HNRNPK: variants seen among roughly 807,000 people sequenced by gnomAD.
The protein encoded by HNRNPK is dC-stretch binding protein.
A neutral mutation model predicts 67.0 loss-of-function variants in HNRNPK; 7 were observed. That is an observed-to-expected ratio of 0.10 (90% CI 0.06 to 0.20). The LOEUF (loss-of-function observed/expected upper bound fraction) is 0.20, where lower values mean the gene tolerates loss of function less well. HNRNPK is among the 10% of genes least tolerant of loss of function. The probability of loss-of-function intolerance (pLI) is 1.00; values close to 1 mark genes in which losing one functional copy is unlikely to be tolerated. For synonymous variants in HNRNPK, 213 were observed against 193.7 expected (o/e 1.10, Z -0.83); for missense variants, 264 against 606.5 (o/e 0.44, Z 5.93).
intron 1 of HNRNPK, among the ~76,000 whole-genome samples, chr9:83,979,480 G>T (rs902544153): frequency 1.3e-5 from 2 of 152,244 alleles, no homozygotes; most frequent in Non-Finnish European, 2.9e-5. Context: ...AATCCGCTAA[G>T]TATGTGCTCC....
chr9:83,975,403 A>G (rs1228477951), intron 6 of HNRNPK, 59 bp downstream of exon 6: 1 of 1,446,604 alleles, frequency 6.9e-7, no homozygotes, highest in Non-Finnish European at 9.7e-7. Context: ...AAAGGCAGGT[A>G]ATAAAATACA....
intron 6 of HNRNPK, 85 bp from the exon 7 acceptor site, chr9:83,974,674 T>G (rs1956997519): frequency 4.7e-6 from 4 of 843,864 alleles, no homozygotes; most frequent in Middle Eastern, 2.2e-4. Context: ...TCATACAAAC[T>G]TTCACAGAGA....
chr9:83,977,121 A>C, intron 4 of HNRNPK, 70 bp from the exon 5 acceptor site: 1 of 1,114,124 alleles, frequency 9.0e-7, no homozygotes, highest in Non-Finnish European at 1.4e-6. Context: ...ACGCTCTTAG[A>C]TTTTGCTAAA....
Position 83,968,158 on chromosome 9 carries a change from A to C in HNRNPK, c.*1249T>G, listed in dbSNP as rs535002918. On this transcript the variant is annotated 3_prime_UTR_variant, in exon 17 of 17. Transcript: ENST00000376263. ...ACAGGTGTCAATCAACCCTTGTTCAAATCGGGCACACATCAAATCTAGCAT... is the reference window on the plus strand; with the variant it reads ...ACAGGTGTCAATCAACCCTTGTTCACATCGGGCACACATCAAATCTAGCAT... 1 of 152,724 alleles carries C rather than the reference A, an allele frequency of 6.5e-6. No individual in the cohort carries two copies. The highest frequency in any genetic ancestry group is 2.1e-4 in the South Asian group (1 of 4,832). The allele number at this position is 152,724 out of a possible 1,614,324, so 9.5% of individuals were successfully genotyped here. A position where few individuals can be genotyped will look rare whatever the true frequency, so the allele number is the denominator to read the frequency against.
chr9:83,977,154 T>C lies in HNRNPK; in HGVS notation c.157-103A>G, dbSNP rs1001618946. On this transcript the variant is annotated intron_variant, in intron 4 of 16. Transcript: ENST00000376263. ...AAAAAATCCTCTAACCTGTTTGTTATAAGAATAAAAATCTATTTGGGGTTG... is the reference window on the plus strand; with the variant it reads ...AAAAAATCCTCTAACCTGTTTGTTACAAGAATAAAAATCTATTTGGGGTTG... The C allele has an allele frequency of 5.0e-6, 4 of 798,758 alleles. No homozygotes were observed. In the African/African-American group the frequency reaches 5.2e-5, roughly 10 times the overall value. 49.5% of individuals were successfully genotyped at this position (798,758 alleles called of 1,614,324 possible).
At position 83,969,391 on chromosome 9, in the gene HNRNPK, GA is replaced by G. The variant is rs750510015; in HGVS notation, c.*15del. The G allele has an allele frequency of 1.9e-6, 3 of 1,545,604 alleles. No individual in the cohort carries two copies. The highest frequency in any genetic ancestry group is 1.4e-5 in the African/African-American group (1 of 73,062). On this transcript the variant is annotated 3_prime_UTR_variant, in exon 17 of 17. Coordinates refer to ENST00000376263, the MANE Select transcript of HNRNPK (RefSeq NM_031263.4). ...GAATACTGCTTCACACTATAAAAAA[GA>G]AAAAATATCTTGCATTAGAATCCTT...
rs555338227 is a variant in HNRNPK, at chr9:83,971,365, G to A, written c.1009-9C>T. On this transcript the variant is annotated splice_polypyrimidine_tract_variant and intron_variant, in intron 12 of 16. Coordinates refer to ENST00000376263, the MANE Select transcript of HNRNPK (RefSeq NM_031263.4). Reference sequence around the variant, plus strand: ...TCAGCACTGAAACCAACCTGTTAGAGATAAAAACATTAACATGAACCCGCA... The same window carrying A: ...TCAGCACTGAAACCAACCTGTTAGAAATAAAAACATTAACATGAACCCGCA... 2.9e-5 allele frequency: 45 copies of A among 1,572,878 alleles called. No individual in the cohort carries two copies. The African/African-American group carries it at 5.4e-4, about 19-fold the overall frequency.
At chr9:83,970,012 A>T (rs1186395713) in intron 16 of HNRNPK, 150 bp downstream of exon 16, 3 of 672,574 alleles carry the variant, frequency 4.5e-6, no homozygotes, top group Admixed American at 5.4e-5. Context: ...AGCAGAAGAA[A>T]AATTAAGGCA....
At chr9:83,978,997 T>C (rs2133071735) in intron 1 of HNRNPK, among the ~76,000 whole-genome samples, 1 of 152,322 alleles carries the variant, frequency 6.6e-6, no homozygotes, top group Non-Finnish European at 1.5e-5. Flanking sequence ...AATACCAGTC[T>C]ATTATTAATC....
intron 1 of HNRNPK, 41 bp from the exon 2 acceptor site, chr9:83,978,493 CT>C: frequency 1.7e-6 from 1 of 582,666 alleles, no homozygotes; most frequent in Non-Finnish European, 2.5e-6. Context: ...TTTGTTTATT[CT>C]TATTACTGAA....
rs1957321272 is a variant in HNRNPK, at chr9:83,980,140, C to T, written c.-108+13G>A. 2 of 152,634 alleles carry T rather than the reference C, an allele frequency of 1.3e-5. No homozygotes were observed. The highest frequency in any genetic ancestry group is 1.9e-4 in the East Asian group (1 of 5,192). The allele number at this position is 152,634 out of a possible 1,614,324, so 9.5% of individuals were successfully genotyped here. The stretch of plus-strand genomic sequence containing the variant: ...TCACCTCCACGAGCCGCTCCCCCAA[C>T]CCGGCTCCTCACCGCGCGAGACTGC... On this transcript the variant is annotated intron_variant, in intron 1 of 16. Coordinates refer to ENST00000376263, the MANE Select transcript of HNRNPK (RefSeq NM_031263.4).
Position 83,971,253 on chromosome 9 carries a change from GAAC to G in HNRNPK, c.1092+17_1092+19del, listed in dbSNP as rs753007739. 6.0e-6 allele frequency: 9 copies of G among 1,501,996 alleles called. No homozygotes were observed. In the South Asian group the frequency reaches 1.0e-4, roughly 17 times the overall value. The allele number at this position is 1,501,996 out of a possible 1,614,324, so 93.0% of individuals were successfully genotyped here. On this transcript the variant is annotated intron_variant, in intron 13 of 16. Transcript: ENST00000376263. ...CTTAAATTATCACTGATATACACAC[GAAC>G]AACTATGATACTCAACCTGTGGTTC...
chr9:83,974,985 A>G (rs1028797924), intron 6 of HNRNPK, among the ~76,000 whole-genome samples: 1 of 152,248 alleles, frequency 6.6e-6, no homozygotes, highest in Non-Finnish European at 1.5e-5. Context: ...AGTGGTGAAC[A>G]TTGTATCTGG....
chr9:83,974,865 A>T (rs963630001), intron 6 of HNRNPK, among the ~76,000 whole-genome samples: 1 of 152,226 alleles, frequency 6.6e-6, no homozygotes, highest in African/African-American at 2.4e-5. Flanking sequence ...ACCAGAACTG[A>T]AGCAGAGTTG....
At chr9:83,976,973 A>T (rs1957096787) in intron 5 of HNRNPK, 22 bp downstream of exon 5, 1 of 1,446,282 alleles carries the variant, frequency 6.9e-7, no homozygotes, top group South Asian at 1.2e-5. Flanking sequence ...CTCGTGTAGT[A>T]GTTTAAACTC....
chr9:83,973,859 C>A, intron 8 of HNRNPK, 43 bp downstream of exon 8: 2 of 1,408,516 alleles, frequency 1.4e-6, no homozygotes, highest in South Asian at 1.2e-5. Context: ...TCCTATGGGC[C>A]AGGCTCCATA....
chr9:83,974,809 G>A lies in HNRNPK; in HGVS notation c.258-220C>T, dbSNP rs11140314. Among the ~76,000 whole-genome samples, 1,208 of 152,310 alleles carry A rather than the reference G, an allele frequency of 7.9e-3. 29 individuals are homozygous for A. The highest frequency in any genetic ancestry group is 0.034 in the East Asian group (175 of 5,196). ...ATTAGGAGACTTGCAGAGAGACAGA[G>A]AGAATGGGCTTTTGGAAGGGCTCAG... is the stretch of plus-strand genomic sequence containing the variant. On this transcript the variant is annotated intron_variant, in intron 6 of 16. Coordinates refer to ENST00000376263, the MANE Select transcript of HNRNPK (RefSeq NM_031263.4).
intron 15 of HNRNPK, 112 bp from the exon 16 acceptor site, chr9:83,970,443 G>T (rs2133016733): frequency 3.6e-6 from 3 of 822,548 alleles, no homozygotes; most frequent in Non-Finnish European, 5.7e-6. Context: ...CTTAACTGAT[G>T]ATCTAACGCT....
In HNRNPK at chr9:83,976,922, T is replaced by C. The variant is rs1411270995; in HGVS notation, c.213+73A>G. 3.7e-6 allele frequency: 3 copies of C among 810,728 alleles called. No individual in the cohort carries two copies. In the African/African-American group the frequency reaches 5.2e-5, roughly 14 times the overall value. The allele number at this position is 810,728 out of a possible 1,614,324, so 50.2% of individuals were successfully genotyped here. On this transcript the variant is annotated intron_variant, in intron 5 of 16. Transcript: ENST00000376263. ...CTAAACTATGAAATGATTTCTAGGA[T>C]GTAAATCTTTAAATTTCTATAGACA... is the stretch of plus-strand genomic sequence containing the variant.
Sources: allele counts gnomAD v4.1 joint callset (sites outside exome capture counted in the v4.1 genomes callset), GRCh38; gene constraint gnomAD v4.1.1; transcripts MANE v1.5; gene names NCBI Gene and HGNC (gene_info 2026-07-23, HGNC 2026-07-21).